Variants in AGBL1 observed in about 807,000 individuals in gnomAD.
The protein encoded by AGBL1 is AGBL carboxypeptidase 1.
In AGBL1, 130 loss-of-function variants were observed where a neutral mutation model predicts 118.9. That is an observed-to-expected ratio of 1.09 (90% CI 0.95 to 1.26). The LOEUF (loss-of-function observed/expected upper bound fraction) is 1.26. AGBL1 is among the 50% of genes most tolerant of loss of function. The pLI, the probability that AGBL1 is intolerant of heterozygous loss-of-function variation, is 0.00. For synonymous variants in AGBL1, 555 were observed against 478.9 expected, an observed-to-expected ratio of 1.16 and a Z score of -2.08; for missense variants, 1,584 against 1,298.1, an observed-to-expected ratio of 1.22 and a Z score of -3.38.
intron 18 of AGBL1, among the ~76,000 whole-genome samples, chr15:86,487,283 T>C (rs898586200): frequency 6.6e-6 from 1 of 152,046 alleles, no homozygotes; most frequent in African/African-American, 2.4e-5. Context: ...TGTAACTCTT[T>C]GCTTGAAAAA....
At chr15:86,158,562 A>G (rs755035411) in intron 4 of AGBL1, among the ~76,000 whole-genome samples, 15 of 152,326 alleles carry the variant, frequency 9.8e-5, no homozygotes, top group Middle Eastern at 3.4e-3. Flanking sequence ...AGACAAGAGT[A>G]ATATCCAAAA....
At chr15:86,490,180 A>G (rs893736816) in intron 18 of AGBL1, among the ~76,000 whole-genome samples, 14 of 151,976 alleles carry the variant, frequency 9.2e-5, no homozygotes, top group African/African-American at 3.4e-4. Flanking sequence ...TACACTTGAG[A>G]AGTTACTCCA....
chr15:86,723,661 A>T (rs961029475), intron 22 of AGBL1, among the ~76,000 whole-genome samples: 9 of 152,208 alleles, frequency 5.9e-5, no homozygotes, highest in Admixed American at 1.3e-4. Flanking sequence ...ATAATAATAA[A>T]AAAAAGAAAA....
intron 22 of AGBL1, among the ~76,000 whole-genome samples, chr15:86,889,932 A>T (rs2080027223): frequency 6.6e-6 from 1 of 152,226 alleles, no homozygotes; most frequent in South Asian, 2.1e-4. Flanking sequence ...TGCTGGGTCA[A>T]ATGATATTGC....
At chr15:86,819,391 T>A (rs1451982176) in intron 22 of AGBL1, among the ~76,000 whole-genome samples, 1 of 151,952 alleles carries the variant, frequency 6.6e-6, no homozygotes, top group South Asian at 2.1e-4. Context: ...AAAACCCCAT[T>A]GTCTCAGCCC....
At chr15:86,790,580 G>T (rs978818354) in intron 22 of AGBL1, among the ~76,000 whole-genome samples, 5 of 151,998 alleles carry the variant, frequency 3.3e-5, no homozygotes, top group Non-Finnish European at 5.9e-5. Context: ...ATGACCATTT[G>T]GTCTCTTAGT....
chr15:86,609,600 C>G (rs891127092), intron 21 of AGBL1, among the ~76,000 whole-genome samples: 7 of 152,194 alleles, frequency 4.6e-5, no homozygotes, highest in African/African-American at 1.7e-4. Context: ...GGACACATTG[C>G]ATTGTCTCCC....
intron 23 of AGBL1, chr15:86,939,678 T>C (rs1804452429): frequency 6.6e-6 from 1 of 152,278 alleles, no homozygotes; most frequent in African/African-American, 2.4e-5. Context: ...TAACGTGATG[T>C]TTCCCTGCAG....
chr15:86,202,800 T>C (rs1359914066), intron 5 of AGBL1, among the ~76,000 whole-genome samples: 1 of 152,206 alleles, frequency 6.6e-6, no homozygotes, highest in Non-Finnish European at 1.5e-5. Context: ...ATAAGAACTG[T>C]AGTGGCTTAT....
intron 18 of AGBL1, among the ~76,000 whole-genome samples, chr15:86,504,802 A>C (rs1041484963): frequency 5.3e-5 from 8 of 151,716 alleles, no homozygotes; most frequent in African/African-American, 7.2e-5. Context: ...TCAGGGAAGA[A>C]ATTTTATAAT....
At chr15:86,753,397 C>CTTTTTTTTTT (rs1555446759) in intron 22 of AGBL1, among the ~76,000 whole-genome samples, 2 of 111,298 alleles carry the variant, frequency 1.8e-5, no homozygotes, top group Non-Finnish European at 3.7e-5. Context: ...TTTTCTTTTT[C>CTTTTTTTTTT]TTTTTTTTTT....
Position 86,554,344 on chromosome 15 carries a change from T to G in AGBL1, c.2818-17T>G. The G allele has an allele frequency of 6.5e-7, 1 of 1,546,844 alleles. No individual in the cohort carries two copies. The highest frequency in any genetic ancestry group is 8.7e-7 in the Non-Finnish European group (1 of 1,145,666). On this transcript the variant is annotated splice_polypyrimidine_tract_variant and intron_variant, in intron 20 of 22. Transcript: ENST00000614907. ...CACCCACAACTAATCATCGTTTGAT[T>G]TTTGTTTTTACTGTAGACTCTTCCC... is the stretch of plus-strand genomic sequence containing the variant.
At chr15:86,601,752 A>C (rs2084497215) in intron 21 of AGBL1, among the ~76,000 whole-genome samples, 1 of 152,098 alleles carries the variant, frequency 6.6e-6, no homozygotes, top group Admixed American at 6.6e-5. Context: ...TAGCAGTTTT[A>C]ATTTCTCCAA....
At chr15:86,449,136 A>G (rs894252885) in intron 18 of AGBL1, among the ~76,000 whole-genome samples, 1 of 152,214 alleles carries the variant, frequency 6.6e-6, no homozygotes, top group Non-Finnish European at 1.5e-5. Flanking sequence ...AGCAAAAGGA[A>G]GAAATGGAAC....
intron 6 of AGBL1, among the ~76,000 whole-genome samples, chr15:86,229,167 A>G (rs553404401): frequency 3.2e-4 from 48 of 152,326 alleles, no homozygotes; most frequent in Non-Finnish European, 5.3e-4. Flanking sequence ...AATAAATCAA[A>G]ACAACATGTC....
chr15:86,969,356 G>A (rs1047687428), intron 23 of AGBL1, among the ~76,000 whole-genome samples: 2 of 151,966 alleles, frequency 1.3e-5, no homozygotes, highest in East Asian at 1.9e-4. Context: ...TCCAACTTGA[G>A]TTGTTGCAAG....
chr15:86,455,876 A>G (rs1444152288), intron 18 of AGBL1, among the ~76,000 whole-genome samples: 1 of 152,084 alleles, frequency 6.6e-6, no homozygotes, highest in Non-Finnish European at 1.5e-5. Context: ...TTTTTATTCA[A>G]ATCTCTCATA....
At chr15:86,819,538 C>T (rs1463104443) in intron 22 of AGBL1, among the ~76,000 whole-genome samples, 2 of 151,990 alleles carry the variant, frequency 1.3e-5, no homozygotes, top group African/African-American at 4.8e-5. Flanking sequence ...AACTCCCATT[C>T]ACAGTTGCTA....
At chr15:87,010,195 G>A (rs1377684038) in intron 24 of AGBL1, among the ~76,000 whole-genome samples, 2 of 152,122 alleles carry the variant, frequency 1.3e-5, no homozygotes, top group East Asian at 3.9e-4. Flanking sequence ...ATGGGGGCAG[G>A]TATTTACCAT....
Sources: gnomAD v4.1 joint callset for allele counts (sites outside exome capture counted in the v4.1 genomes callset) on GRCh38, gnomAD v4.1.1 for gene constraint, MANE v1.5 for transcripts, NCBI Gene and HGNC (gene_info 2026-07-23, HGNC 2026-07-21) for gene names.